The following RGS6 variants were observed in gnomAD, a reference collection of about 807,000 sequenced individuals.
RGS6 encodes the protein regulator of G-protein signaling 6.
RGS6 carries 30 observed loss-of-function variants against 78.5 expected under a neutral mutation model. That is an observed-to-expected ratio of 0.38 (90% CI 0.29 to 0.52). RGS6 has a LOEUF of 0.52. Among genes scored for constraint, RGS6 ranks in the 20% least tolerant of loss-of-function variants. RGS6 has a pLI of 0.85. For synonymous variants in RGS6, 206 were observed against 206.0 expected (o/e 1.00, Z 0.00); for missense variants, 495 against 609.7 (o/e 0.81, Z 1.98).
chr14:72,112,129 A>G (rs1254587365), intron 2 of RGS6, among the ~76,000 whole-genome samples: 1 of 152,190 alleles, frequency 6.6e-6, no homozygotes, highest in Non-Finnish European at 1.5e-5. Flanking sequence ...AGATGGTGGC[A>G]TTTACCATGT....
Position 72,565,338 on chromosome 14 carries a change from C to T in RGS6, c.*2871C>T, listed in dbSNP as rs2097705043. On this transcript the variant is annotated 3_prime_UTR_variant, in exon 18 of 18. Coordinates refer to ENST00000553525, the MANE Select transcript of RGS6 (RefSeq NM_001204424.2). ...CAAGGCACCAGGCACTGGCATCTGA[C>T]TAAAATAACCTTTCCCTACATGGGA... 6.6e-6 allele frequency: 1 copy of T among 152,252 alleles called. No individual in the cohort carries two copies. Among genetic ancestry groups the T allele is most frequent in the South Asian group, 2.1e-4 (1 of 4,832 alleles). 9.4% of individuals were successfully genotyped at this position (152,252 alleles called of 1,614,324 possible).
chr14:72,262,862 C>G (rs1025269150), intron 2 of RGS6, among the ~76,000 whole-genome samples: 3 of 152,104 alleles, frequency 2.0e-5, no homozygotes, highest in African/African-American at 4.8e-5. Context: ...AGGTCTTTGT[C>G]CTCCCCTTGA....
chr14:71,992,577 G>C (rs1038382010), intron 2 of RGS6, among the ~76,000 whole-genome samples: 3 of 152,228 alleles, frequency 2.0e-5, no homozygotes, highest in African/African-American at 7.2e-5. Context: ...CCTAAGGTTA[G>C]ATGGTTAGTA....
chr14:72,244,309 T>TTC (rs1268916934), intron 2 of RGS6, among the ~76,000 whole-genome samples: 1 of 151,804 alleles, frequency 6.6e-6, no homozygotes, highest in East Asian at 1.9e-4. Flanking sequence ...TTTGTTGCTT[T>TTC]TCTCAAATGT....
chr14:72,306,996 G>T (rs757032062), intron 2 of RGS6, among the ~76,000 whole-genome samples: 2 of 152,190 alleles, frequency 1.3e-5, no homozygotes, highest in Non-Finnish European at 2.9e-5. Context: ...ATGAAAGGAA[G>T]AATCAGTTAA....
chr14:71,966,677 A>G (rs2093538653), intron 2 of RGS6, among the ~76,000 whole-genome samples: 1 of 152,234 alleles, frequency 6.6e-6, no homozygotes, highest in Non-Finnish European at 1.5e-5. Context: ...AATTGTGAAG[A>G]TCACTTTAGA....
chr14:72,246,386 T>A (rs2054221459), intron 2 of RGS6, among the ~76,000 whole-genome samples: 1 of 152,238 alleles, frequency 6.6e-6, no homozygotes, highest in Admixed American at 6.5e-5. Flanking sequence ...TGTGTGCAGA[T>A]CTTTCTCTAA....
At chr14:72,240,168 T>C (rs546536400) in intron 2 of RGS6, among the ~76,000 whole-genome samples, 74 of 152,304 alleles carry the variant, frequency 4.9e-4, no homozygotes, top group African/African-American at 1.7e-3. Flanking sequence ...CACCAGACTC[T>C]TGAGTTTTCA....
At chr14:72,344,215 G>A (rs998805855) in intron 2 of RGS6, among the ~76,000 whole-genome samples, 9 of 151,966 alleles carry the variant, frequency 5.9e-5, no homozygotes, top group East Asian at 2.0e-4. Context: ...AATGTTTTCC[G>A]TAAAAGTAAT....
At chr14:72,607,587 G>A in the RGS6 span, among the ~76,000 whole-genome samples, 3 of 152,310 alleles carry the variant, frequency 2.0e-5, no homozygotes, top group East Asian at 1.9e-4. Flanking sequence ...ATGCAATGCC[G>A]GGTTCCCTGG....
chr14:72,488,158 G>A (rs926976368), intron 12 of RGS6, among the ~76,000 whole-genome samples: 4 of 151,952 alleles, frequency 2.6e-5, no homozygotes, highest in East Asian at 1.9e-4. Context: ...TTTCCCTTCC[G>A]ACCAGTACCA....
At chr14:72,615,141 G>C in the RGS6 span, among the ~76,000 whole-genome samples, 1 of 152,180 alleles carries the variant, frequency 6.6e-6, no homozygotes, top group African/African-American at 2.4e-5. Flanking sequence ...GAGAGAAGAA[G>C]GGGCTGCTTC....
At position 72,263,076 on chromosome 14, in the gene RGS6, G is replaced by A. The variant is rs114855085; in HGVS notation, c.85-89019G>A. 3.7e-3 allele frequency among the ~76,000 whole-genome samples: 561 copies of A among 152,268 alleles called. 3 individuals are homozygous for A. The highest frequency in any genetic ancestry group is 0.013 in the African/African-American group (521 of 41,548). ...GCAGCCTGGACCCAGGGCCTATCTG[G>A]GTGGTTATGGGCTGGCATTCCCAAC... On this transcript the variant is annotated intron_variant, in intron 2 of 17. Coordinates refer to ENST00000553525, the MANE Select transcript of RGS6 (RefSeq NM_001204424.2).
At chr14:72,336,352 T>TC (rs537562240) in intron 2 of RGS6, among the ~76,000 whole-genome samples, 40 of 152,276 alleles carry the variant, frequency 2.6e-4, no homozygotes, top group African/African-American at 9.4e-4. Context: ...TTCATTCTTA[T>TC]CCCCTAACAT....
At chr14:72,463,841 C>T (rs372057520) in intron 6 of RGS6, among the ~76,000 whole-genome samples, 4 of 152,282 alleles carry the variant, frequency 2.6e-5, no homozygotes, top group South Asian at 2.1e-4. Flanking sequence ...TGTGATAGAT[C>T]GGACACCCCT....
Position 72,440,414 on chromosome 14 carries a change from C to CTT in RGS6, c.185-14097_185-14096dup, listed in dbSNP as rs60589205. Among the ~76,000 whole-genome samples, 96 of 131,978 alleles carry CTT rather than the reference C, an allele frequency of 7.3e-4. 1 individual carries two copies. The highest frequency in any genetic ancestry group is 1.0e-3 in the African/African-American group (37 of 35,858). 86.6% of individuals were successfully genotyped at this position (131,978 alleles called of 152,430 possible). On this transcript the variant is annotated intron_variant, in intron 3 of 17. Coordinates refer to ENST00000553525, the MANE Select transcript of RGS6 (RefSeq NM_001204424.2). Reference sequence around the variant, plus strand: ...TGATGTTGAAATTTGACCTACACTTCTTTTTTTTTTTTTTTTTTGAGATGG... The same window carrying CTT: ...TGATGTTGAAATTTGACCTACACTTCTTTTTTTTTTTTTTTTTTTTGAGATGG...
chr14:72,263,100 A>G (rs1319640560), intron 2 of RGS6, among the ~76,000 whole-genome samples: 1 of 152,144 alleles, frequency 6.6e-6, no homozygotes, highest in Middle Eastern at 3.2e-3. Context: ...GGCATTCCCA[A>G]CAGCTGGGAG....
chr14:71,982,276 T>C (rs1595636693), intron 2 of RGS6, among the ~76,000 whole-genome samples: 2 of 151,586 alleles, frequency 1.3e-5, no homozygotes, highest in East Asian at 1.9e-4. Flanking sequence ...AGCTGTAGAC[T>C]GGAGCTGTTC....
chr14:72,120,457 C>T (rs1467008748), intron 2 of RGS6, among the ~76,000 whole-genome samples: 1 of 152,166 alleles, frequency 6.6e-6, no homozygotes, highest in Non-Finnish European at 1.5e-5. Context: ...CATGGAACAA[C>T]CTGCCGTTTT....
Sources: gnomAD v4.1 joint callset for allele counts (sites outside exome capture counted in the v4.1 genomes callset) on GRCh38, gnomAD v4.1.1 for gene constraint, MANE v1.5 for transcripts, NCBI Gene and HGNC (gene_info 2026-07-23, HGNC 2026-07-21) for gene names.